Variants in HIBCH observed in about 807,000 individuals in gnomAD.
The protein encoded by HIBCH is 3-hydroxyisobutyryl-CoA hydrolase.
In HIBCH, 50 loss-of-function variants were observed where a neutral mutation model predicts 58.2. The observed-to-expected ratio is 0.86, with a 90% CI of 0.68 to 1.09. The LOEUF (loss-of-function observed/expected upper bound fraction) is 1.09, where lower values mean the gene tolerates loss of function less well. Among genes scored for constraint, HIBCH ranks in the 50% least tolerant of loss-of-function variants. The pLI is 0.00. For synonymous variants in HIBCH, 151 were observed against 146.9 expected, an observed-to-expected ratio of 1.03 and a Z score of -0.20; for missense variants, 450 against 449.7, an observed-to-expected ratio of 1.00 and a Z score of -0.01.
rs188624189 is a variant in HIBCH, at chr2:190,232,079, C to T, written c.891+12808G>A. On this transcript the variant is annotated intron_variant, in intron 11 of 13. Transcript: ENST00000359678. Reference sequence around the variant, plus strand: ...GCATGGTGGCGGGTGCCTGTAATCCCAGCTACTTGGGAGGCTGAGGCAGGA... The same window carrying T: ...GCATGGTGGCGGGTGCCTGTAATCCTAGCTACTTGGGAGGCTGAGGCAGGA... Among the ~76,000 whole-genome samples the T allele has an allele frequency of 8.8e-3, 1,340 of 152,190 alleles. 6 individuals carry two copies. Among genetic ancestry groups the T allele is most frequent in the Non-Finnish European group, 0.014 (923 of 67,994 alleles).
Position 190,207,596 on chromosome 2 carries a change from C to G in HIBCH, c.1045+1284G>C, listed in dbSNP as rs552961511. ...CTTTTATTCAGATAAAAAAGTATAT[C>G]CAGGCTGGGCACGGTGGCTCATGCC... On this transcript the variant is annotated intron_variant, in intron 13 of 13. Coordinates refer to ENST00000359678, the MANE Select transcript of HIBCH (RefSeq NM_014362.4). The surrounding 1 kb of genome is among the most constrained non-coding windows in gnomAD (Gnocchi z 4.5). 3.9e-5 allele frequency among the ~76,000 whole-genome samples: 6 copies of G among 152,204 alleles called. No homozygotes were observed. Among genetic ancestry groups the G allele is most frequent in the African/African-American group, 1.4e-4 (6 of 41,512 alleles).
intron 4 of HIBCH, among the ~76,000 whole-genome samples, chr2:190,291,855 A>T (rs1687966036): frequency 1.3e-5 from 2 of 152,220 alleles, no homozygotes; most frequent in East Asian, 1.9e-4. Flanking sequence ...CTTGTCTTTA[A>T]GTCCTATGAG....
intron 6 of HIBCH, among the ~76,000 whole-genome samples, chr2:190,286,430 T>C (rs1209293887): frequency 6.6e-6 from 1 of 152,164 alleles, no homozygotes; most frequent in African/African-American, 2.4e-5. Flanking sequence ...TTTGTTATGC[T>C]TCTCTATTGT....
intron 11 of HIBCH, among the ~76,000 whole-genome samples, chr2:190,222,524 T>G (rs535992836): frequency 6.6e-6 from 1 of 151,996 alleles, no homozygotes; most frequent in African/African-American, 2.4e-5. Flanking sequence ...GAAAAAATGC[T>G]CATCATCACT....
intron 11 of HIBCH, among the ~76,000 whole-genome samples, chr2:190,238,423 A>C (rs1233330258): frequency 6.6e-6 from 1 of 152,142 alleles, no homozygotes; most frequent in Non-Finnish European, 1.5e-5. Flanking sequence ...CTAATGATCA[A>C]TGACAATAAA....
intron 11 of HIBCH, among the ~76,000 whole-genome samples, chr2:190,224,933 G>A (rs1482880071): frequency 1.3e-5 from 2 of 152,194 alleles, no homozygotes; most frequent in African/African-American, 4.8e-5. Context: ...TCAGACCACA[G>A]TGCAATCAAA....
intron 11 of HIBCH, among the ~76,000 whole-genome samples, chr2:190,225,435 G>C (rs1685859510): frequency 6.6e-6 from 1 of 152,046 alleles, no homozygotes; most frequent in Admixed American, 6.5e-5. Flanking sequence ...TGATAAAGGG[G>C]ATATCACCAC....
chr2:190,309,851 G>T (rs1688513406), intron 2 of HIBCH, among the ~76,000 whole-genome samples: 1 of 152,056 alleles, frequency 6.6e-6, no homozygotes, highest in African/African-American at 2.4e-5. Flanking sequence ...ATGCATTATT[G>T]TGATGGTTAA....
chr2:190,208,636 G>A, intron 13 of HIBCH: 1 of 554,866 alleles, frequency 1.8e-6, no homozygotes, highest in Non-Finnish European at 3.2e-6. Flanking sequence ...TCTTTATCTG[G>A]AATGCTTGGG....
At chr2:190,276,390 A>G (rs951740141) in intron 6 of HIBCH, among the ~76,000 whole-genome samples, 2 of 152,030 alleles carry the variant, frequency 1.3e-5, no homozygotes, top group Non-Finnish European at 2.9e-5. Context: ...TTACTCCTTT[A>G]TGTTTCCTAA....
intron 13 of HIBCH, among the ~76,000 whole-genome samples, chr2:190,205,504 A>C (rs1690368986): frequency 6.6e-6 from 1 of 152,188 alleles, no homozygotes; most frequent in African/African-American, 2.4e-5. Flanking sequence ...CCAGTGGTTT[A>C]AACATTAGAA....
At chr2:190,319,477 T>G (rs1363979425) in intron 1 of HIBCH, among the ~76,000 whole-genome samples, 1 of 150,188 alleles carries the variant, frequency 6.7e-6, no homozygotes, top group Non-Finnish European at 1.5e-5. Context: ...GGGACAAGCC[T>G]GAATTAAGAG....
intron 6 of HIBCH, among the ~76,000 whole-genome samples, chr2:190,277,917 G>T (rs1687598598): frequency 6.6e-6 from 1 of 152,162 alleles, no homozygotes; most frequent in Non-Finnish European, 1.5e-5. Flanking sequence ...TTCATGAATT[G>T]TTCTTTGCTC....
chr2:190,249,338 T>A (rs138704142), intron 9 of HIBCH, among the ~76,000 whole-genome samples: 1 of 152,202 alleles, frequency 6.6e-6, no homozygotes, highest in African/African-American at 2.4e-5. Context: ...ACAAATAGTG[T>A]TAACATTGAA....
intron 6 of HIBCH, 40 bp from the exon 7 acceptor site, chr2:190,261,274 A>C: frequency 7.1e-7 from 1 of 1,409,844 alleles, no homozygotes; most frequent in South Asian, 1.2e-5. Flanking sequence ...GGGGGAATTA[A>C]ACATATTGTT....
At chr2:190,240,223 C>T (rs1200002964) in intron 11 of HIBCH, among the ~76,000 whole-genome samples, 1 of 152,098 alleles carries the variant, frequency 6.6e-6, no homozygotes, top group Non-Finnish European at 1.5e-5. Flanking sequence ...CTGGTTTAGT[C>T]CTGGGAAGGT....
At chr2:190,224,461 CAA>C (rs916873484) in intron 11 of HIBCH, among the ~76,000 whole-genome samples, 1 of 151,220 alleles carries the variant, frequency 6.6e-6, no homozygotes, top group East Asian at 1.9e-4. Flanking sequence ...AAATGGAAAA[CAA>C]AAAAAAGCAG....
intron 7 of HIBCH, among the ~76,000 whole-genome samples, chr2:190,258,551 T>G (rs1350050778): frequency 6.6e-6 from 1 of 152,240 alleles, no homozygotes; most frequent in Non-Finnish European, 1.5e-5. Context: ...TATTTGTCTA[T>G]GCACAGACCT....
intron 11 of HIBCH, among the ~76,000 whole-genome samples, chr2:190,226,329 C>T (rs1685894945): frequency 6.6e-6 from 1 of 152,162 alleles, no homozygotes; most frequent in Non-Finnish European, 1.5e-5. Context: ...GGTGCGGTGG[C>T]TCACGCCTGT....
Sources: gnomAD v4.1 joint callset for allele counts (sites outside exome capture counted in the v4.1 genomes callset) on GRCh38, gnomAD v4.1.1 for gene constraint, Gnocchi (gnomAD v3.1) non-coding constraint, MANE v1.5 for transcripts, NCBI Gene and HGNC (gene_info 2026-07-23, HGNC 2026-07-21) for gene names.